Variants in SULF2 observed in about 807,000 individuals in gnomAD.
The protein encoded by SULF2 is sulfatase 2, also known as extracellular sulfatase Sulf-2.
SULF2 carries 52 observed loss-of-function variants against 107.7 expected under a neutral mutation model. The observed-to-expected ratio is 0.48, with a 90% confidence interval of 0.39 to 0.61. The LOEUF (loss-of-function observed/expected upper bound fraction) is 0.61. Among genes scored for constraint, SULF2 ranks in the 20% least tolerant of loss-of-function variants. The probability of loss-of-function intolerance (pLI) is 0.00; values close to 1 mark genes in which losing one functional copy is unlikely to be tolerated. For synonymous variants in SULF2, 460 were observed against 464.3 expected (o/e 0.99, Z 0.12); for missense variants, 993 against 1,177.3 (o/e 0.84, Z 2.29).
At position 47,666,360 on chromosome 20, in the gene SULF2, C is replaced by T. The variant is rs1568784773; in HGVS notation, c.1705G>A (p.Gly569Arg). 2.0e-5 allele frequency: 33 copies of T among 1,613,526 alleles called. 1 individual carries two copies. Among genetic ancestry groups the T allele is most frequent in the Non-Finnish European group, 2.6e-5 (31 of 1,179,752 alleles). The stretch of plus-strand genomic sequence containing the variant: ...TTGTCATCTTGGTCCTCAGGGGCCC[C>T]TGGCCAGTGCCGCTTGGTGAGGTTT... ...PRNLTKRHWP[G>R]APEDQDDKDG... is the part of the protein sequence containing the mutation. The change falls in exon 12 of 21, where the codon GGG becomes AGG. Residue 569 changes from glycine (G) to arginine (R), a missense_variant. By Grantham distance (125) the Gly-to-Arg change is moderately radical. Coordinates refer to ENST00000688720, the MANE Select transcript of SULF2 (RefSeq NM_001387048.1). The surrounding 1 kb of genome is among the most constrained non-coding windows in gnomAD (Gnocchi z 5.4).
intron 13 of SULF2, 42 bp downstream of exon 13, chr20:47,665,815 C>T (rs530957897): frequency 1.1e-5 from 17 of 1,557,756 alleles, no homozygotes; most frequent in South Asian, 8.9e-5. Flanking sequence ...CTGCCAGGCC[C>T]GTGGTGGCCG....
chr20:47,696,245 A>T (rs946788149), intron 4 of SULF2, among the ~76,000 whole-genome samples: 2 of 152,248 alleles, frequency 1.3e-5, no homozygotes, highest in Non-Finnish European at 2.9e-5. Flanking sequence ...TGCATGGGTT[A>T]ATTTGTGTAA....
In SULF2 at chr20:47,678,541, G is replaced by T. The variant is rs572027703; in HGVS notation, c.1193+135C>A. The stretch of plus-strand genomic sequence containing the variant: ...GCTTCTCTCCCACAGCAGGTAAGTG[G>T]TTGGCATGGCGGGACCTGAGAACCC... On this transcript the variant is annotated intron_variant, in intron 8 of 20. Transcript: ENST00000688720. This position sits in a 1 kb window ranked among gnomAD's most constrained non-coding sequence, Gnocchi z 4.5. The T allele has an allele frequency of 2.2e-6, 2 of 890,016 alleles. No homozygotes were observed. Among genetic ancestry groups the T allele is most frequent in the Non-Finnish European group, 1.7e-6 (1 of 604,052 alleles). The allele number at this position is 890,016 out of a possible 1,614,324, so 55.1% of individuals were successfully genotyped here.
intron 3 of SULF2, among the ~76,000 whole-genome samples, chr20:47,717,405 C>A (rs1251288313): frequency 6.6e-6 from 1 of 152,182 alleles, no homozygotes; most frequent in Non-Finnish European, 1.5e-5. Context: ...TTGGTGACTA[C>A]CCTGTTCAGC....
chr20:47,750,034 T>C (rs1432142797), intron 2 of SULF2, among the ~76,000 whole-genome samples: 2 of 152,164 alleles, frequency 1.3e-5, no homozygotes, highest in African/African-American at 4.8e-5. Flanking sequence ...CAGGCTGGAG[T>C]GCAGTGGCGC....
At chr20:47,721,781 T>A (rs1057061872) in intron 3 of SULF2, among the ~76,000 whole-genome samples, 2 of 152,222 alleles carry the variant, frequency 1.3e-5, no homozygotes, top group African/African-American at 4.8e-5. Context: ...AACCAATCTT[T>A]CCCCTTTCTC....
intron 1 of SULF2, among the ~76,000 whole-genome samples, chr20:47,774,153 G>A (rs916356119): frequency 2.6e-5 from 4 of 152,252 alleles, no homozygotes; most frequent in Admixed American, 6.5e-5. Flanking sequence ...TGCGAGTGGA[G>A]TGCCTTTGGA....
Position 47,666,080 on chromosome 20 carries a change from A to T in SULF2, c.1806-127T>A. On this transcript the variant is annotated intron_variant, in intron 12 of 20. Transcript: ENST00000688720. The surrounding 1 kb of genome is among the most constrained non-coding windows in gnomAD (Gnocchi z 5.4). ...CCCTTCACCCTCGACTTCCACCTGG[A>T]CACTCACCGATGTGTCACTTTAATG... The T allele has an allele frequency of 6.2e-7, 1 of 1,605,164 alleles. No homozygotes were observed. The highest frequency in any genetic ancestry group is 1.3e-5 in the African/African-American group (1 of 74,694).
Position 47,666,333 on chromosome 20 carries a change from C to T in SULF2, c.1732G>A (p.Asp578Asn). 1 of 1,614,254 alleles carries T rather than the reference C, an allele frequency of 6.2e-7. No individual in the cohort carries two copies. Among genetic ancestry groups the T allele is most frequent in the African/African-American group, 1.3e-5 (1 of 75,084 alleles). The change falls in exon 12 of 21, where the codon GAT becomes AAT. Residue 578 changes from aspartate (D) to asparagine (N), a missense_variant. Coordinates refer to ENST00000688720, the MANE Select transcript of SULF2 (RefSeq NM_001387048.1). This position sits in a 1 kb window ranked among gnomAD's most constrained non-coding sequence, Gnocchi z 5.4. Reference protein sequence around the residue: ...PGAPEDQDDKDGGDFSGTGGL... With the variant: ...PGAPEDQDDKNGGDFSGTGGL... ...CCAGTGCCACTGAAGTCCCCACCAT[C>T]CTTGTCATCTTGGTCCTCAGGGGCC... is the stretch of plus-strand genomic sequence containing the variant.
intron 3 of SULF2, among the ~76,000 whole-genome samples, chr20:47,710,026 C>G (rs149144274): frequency 6.6e-6 from 1 of 151,858 alleles, no homozygotes; most frequent in Non-Finnish European, 1.5e-5. Context: ...CTCAGCCTCT[C>G]GAGTAGCTGG....
At chr20:47,689,266 A>G (rs1222874530) in intron 5 of SULF2, among the ~76,000 whole-genome samples, 1 of 152,188 alleles carries the variant, frequency 6.6e-6, no homozygotes, top group African/African-American at 2.4e-5. Flanking sequence ...GACCCTCCAC[A>G]TTGTAGAAGG....
intron 2 of SULF2, among the ~76,000 whole-genome samples, chr20:47,756,647 C>CT (rs11372876): frequency 0.12 from 16,433 of 135,908 alleles, 2,135 homozygotes; most frequent in African/African-American, 0.31. Context: ...CATGTCTCAT[C>CT]TTTTTTTTTT....
chr20:47,661,688 C>G lies in SULF2; in HGVS notation c.2494+85G>C, dbSNP rs550293195. 234 of 1,332,356 alleles carry G rather than the reference C, an allele frequency of 1.8e-4. No homozygotes were observed. The African/African-American group carries it at 3.1e-3, about 17-fold the overall frequency. 82.5% of individuals were successfully genotyped at this position (1,332,356 alleles called of 1,614,324 possible). A position where few individuals can be genotyped will look rare whatever the true frequency, so the allele number is the denominator to read the frequency against. Reference sequence around the variant, plus strand: ...TCCCAAAGCCTGGTGATTTCAGGCTCATTCTTGGGGTAGACACCACCTCCT... The same window carrying G: ...TCCCAAAGCCTGGTGATTTCAGGCTGATTCTTGGGGTAGACACCACCTCCT... On this transcript the variant is annotated intron_variant, in intron 18 of 20. Transcript: ENST00000688720.
intron 4 of SULF2, among the ~76,000 whole-genome samples, chr20:47,701,829 C>A (rs557077310): frequency 1.3e-5 from 2 of 152,216 alleles, no homozygotes; most frequent in South Asian, 2.1e-4. Context: ...GTTATCCTCG[C>A]GGGAGGGGTG....
At chr20:47,683,593 C>T (rs2087901527) in intron 6 of SULF2, among the ~76,000 whole-genome samples, 1 of 152,238 alleles carries the variant, frequency 6.6e-6, no homozygotes, top group Non-Finnish European at 1.5e-5. Context: ...GGAAGGGCGC[C>T]GTGTGGCAGA....
rs532009049 is a variant in SULF2, at chr20:47,672,608, G to A, written c.1381-215C>T. 1.6e-4 allele frequency: 151 copies of A among 933,780 alleles called. No homozygotes were observed. The Middle Eastern group carries it at 2.2e-3, about 14-fold the overall frequency. 57.8% of individuals were successfully genotyped at this position (933,780 alleles called of 1,614,324 possible). A position where few individuals can be genotyped will look rare whatever the true frequency, so the allele number is the denominator to read the frequency against. On this transcript the variant is annotated intron_variant, in intron 10 of 20. Transcript: ENST00000688720. ...CATCATCCCCCAGCGAGATGCCTCC[G>A]ACAGCCACCACTCTCACGGTTACCT... is the stretch of plus-strand genomic sequence containing the variant.
chr20:47,710,411 C>A (rs981165796), intron 3 of SULF2, among the ~76,000 whole-genome samples: 2 of 151,794 alleles, frequency 1.3e-5, no homozygotes, highest in Non-Finnish European at 2.9e-5. Context: ...GTTACCACCG[C>A]CTACAGGATT....
chr20:47,718,922 GA>G (rs2089206377), intron 3 of SULF2, among the ~76,000 whole-genome samples: 1 of 152,300 alleles, frequency 6.6e-6, no homozygotes, highest in Non-Finnish European at 1.5e-5. Context: ...CCATGGAATC[GA>G]ATCAGATCAC....
At chr20:47,777,933 T>A (rs2122688084) in intron 1 of SULF2, among the ~76,000 whole-genome samples, 1 of 150,556 alleles carries the variant, frequency 6.6e-6, no homozygotes, top group East Asian at 1.9e-4. Context: ...CCCAGGAGTT[T>A]GAGACCAGCT....
Sources: gnomAD v4.1 joint callset for allele counts (sites outside exome capture counted in the v4.1 genomes callset) on GRCh38, gnomAD v4.1.1 for gene constraint, Gnocchi (gnomAD v3.1) non-coding constraint, MANE v1.5 for transcripts, NCBI Gene and HGNC (gene_info 2026-07-23, HGNC 2026-07-21) for gene names.